The following ARHGAP8 variants were observed in gnomAD, a reference collection of about 807,000 sequenced individuals.
The protein encoded by ARHGAP8 is Rho GTPase activating protein 8.
ARHGAP8 carries 62 observed loss-of-function variants against 46.1 expected under a neutral mutation model. That is an observed-to-expected ratio of 1.34 (90% CI 1.10 to 1.66). The LOEUF (loss-of-function observed/expected upper bound fraction) is 1.66. Among genes scored for constraint, ARHGAP8 ranks in the 40% most tolerant of loss-of-function variants. ARHGAP8 has a pLI of 0.00. For synonymous variants in ARHGAP8, 375 were observed against 243.1 expected (o/e 1.54, Z -5.05); for missense variants, 923 against 568.4 (o/e 1.62, Z -6.34).
rs1555917130 is a variant in ARHGAP8, at chr22:44,833,100, T to TCTTTTC, written c.596+7507_596+7508insCTTTTC. 5.3e-3 allele frequency among the ~76,000 whole-genome samples: 669 copies of TCTTTTC among 126,988 alleles called. 3 individuals are homozygous for TCTTTTC. The highest frequency in any genetic ancestry group is 0.019 in the African/African-American group (629 of 33,552). 83.3% of individuals were successfully genotyped at this position (126,988 alleles called of 152,430 possible). Reference sequence around the variant, plus strand: ...TTTTTTCTTTTCTTTTCTTTTCTTTTTTTTTTTTTTTTTTGAGATAGAGTC... The same window carrying TCTTTTC: ...TTTTTTCTTTTCTTTTCTTTTCTTTTCTTTTCTTTTTTTTTTTTTTGAGATAGAGTC... On this transcript the variant is annotated intron_variant, in intron 7 of 11. Transcript: ENST00000356099.
Position 44,848,987 on chromosome 22 carries a change from G to A in ARHGAP8, c.804G>A (p.Leu268=), listed in dbSNP as rs1243536310. The change falls in exon 10 of 12, where the codon CTG becomes CTA. Residue 268 remains leucine, a synonymous_variant. Coordinates refer to ENST00000356099, the MANE Select transcript of ARHGAP8 (RefSeq NM_181335.3). ...YGDIHIPAVI[L]KTFLRELPQP... is the part of the protein sequence containing the mutation. ...ACATTCACATCCCTGCCGTGATCCT[G>A]AAGACCTTCCTGCGAGAGCTGCCCC... is the stretch of plus-strand genomic sequence containing the variant. The A allele has an allele frequency of 6.2e-7, 1 of 1,614,124 alleles. No individual in the cohort carries two copies. The highest frequency in any genetic ancestry group is 2.2e-5 in the East Asian group (1 of 44,882).
intron 7 of ARHGAP8, among the ~76,000 whole-genome samples, chr22:44,837,557 C>G (rs192994426): frequency 6.6e-6 from 1 of 152,154 alleles, no homozygotes; most frequent in Admixed American, 6.5e-5. Flanking sequence ...TGGTGTGATA[C>G]GATTCACCGG....
chr22:44,841,941 C>G (rs573797100), intron 7 of ARHGAP8, among the ~76,000 whole-genome samples: 103 of 152,312 alleles, frequency 6.8e-4, no homozygotes, highest in Non-Finnish European at 1.0e-3. Flanking sequence ...AGTCTACTCC[C>G]GTGTGGCTCC....
intron 3 of ARHGAP8, among the ~76,000 whole-genome samples, chr22:44,804,471 T>C (rs1928796249): frequency 6.6e-6 from 1 of 152,252 alleles, no homozygotes. Context: ...TCCCCGACAA[T>C]GAACTGATTG....
intron 1 of ARHGAP8, chr22:44,765,460 G>A: frequency 6.6e-6 from 1 of 152,368 alleles, no homozygotes; most frequent in Admixed American, 6.5e-5. Flanking sequence ...CCACAAGGGG[G>A]GTGTAATCGG....
At position 44,859,816 on chromosome 22, in the gene ARHGAP8, C is replaced by T. The variant is rs755556958; in HGVS notation, c.963C>T (p.Leu321=). The change falls in exon 11 of 12, where the codon CTC becomes CTT. Residue 321 remains leucine (L), a synonymous_variant. Coordinates refer to ENST00000356099, the MANE Select transcript of ARHGAP8 (RefSeq NM_181335.3). ...ACAACTACGTCGTCCTCCGCTACCT[C>T]ATGGGCTTCCTGCATGCGGTGAGTG... ...PEHNYVVLRY[L]MGFLHAVSRE... 6.2e-6 allele frequency: 10 copies of T among 1,613,948 alleles called. No homozygotes were observed. Among genetic ancestry groups the T allele is most frequent in the Non-Finnish European group, 2.5e-6 (3 of 1,179,970 alleles).
intron 1 of ARHGAP8, among the ~76,000 whole-genome samples, chr22:44,771,679 C>T (rs762385033): frequency 1.2e-4 from 18 of 151,914 alleles, no homozygotes; most frequent in African/African-American, 3.4e-4. Context: ...CTCAGACTCC[C>T]GAGTAGCTGG....
chr22:44,844,677 A>G (rs2069910869), intron 7 of ARHGAP8, among the ~76,000 whole-genome samples: 1 of 151,778 alleles, frequency 6.6e-6, no homozygotes, highest in Non-Finnish European at 1.5e-5. Flanking sequence ...TGGCAAGGCT[A>G]CTCTTGAACT....
intron 2 of ARHGAP8, among the ~76,000 whole-genome samples, chr22:44,796,913 C>G (rs1001727): frequency 0.095 from 14,517 of 152,236 alleles, 882 homozygotes; most frequent in African/African-American, 0.16. Context: ...TGGGGGTGCC[C>G]TCAACCTGTG....
intron 7 of ARHGAP8, among the ~76,000 whole-genome samples, chr22:44,829,277 C>T (rs1930767596): frequency 1.3e-5 from 2 of 149,358 alleles, no homozygotes; most frequent in Admixed American, 6.7e-5. Context: ...GGAGACAGAG[C>T]GAGACTCCCT....
chr22:44,846,043 T>G (rs1401723614), intron 8 of ARHGAP8, among the ~76,000 whole-genome samples: 1 of 151,986 alleles, frequency 6.6e-6, no homozygotes, highest in Non-Finnish European at 1.5e-5. Flanking sequence ...AAGGCAGGGC[T>G]GGCTCCTCTC....
chr22:44,760,154 C>G (rs918402049), intron 1 of ARHGAP8, among the ~76,000 whole-genome samples: 1 of 152,202 alleles, frequency 6.6e-6, no homozygotes, highest in Non-Finnish European at 1.5e-5. Flanking sequence ...GCTACCTGGA[C>G]AAATGGCCTT....
At chr22:44,823,650 G>A (rs1359757785) in intron 6 of ARHGAP8, among the ~76,000 whole-genome samples, 2 of 152,180 alleles carry the variant, frequency 1.3e-5, no homozygotes, top group Non-Finnish European at 2.9e-5. Context: ...GTGATCCGGG[G>A]GAGTCCATGG....
chr22:44,785,516 C>G (rs920808662), intron 1 of ARHGAP8, among the ~76,000 whole-genome samples: 11 of 152,128 alleles, frequency 7.2e-5, no homozygotes, highest in African/African-American at 2.7e-4. Flanking sequence ...TCTCCTGAGT[C>G]ATTGGATTCA....
chr22:44,770,262 A>G (rs1925900147), intron 1 of ARHGAP8, among the ~76,000 whole-genome samples: 1 of 151,988 alleles, frequency 6.6e-6, no homozygotes, highest in Admixed American at 6.6e-5. Flanking sequence ...AACAAAAACA[A>G]ACAAAAAAAA....
At chr22:44,834,132 C>A (rs73892308) in intron 7 of ARHGAP8, among the ~76,000 whole-genome samples, 1 of 151,864 alleles carries the variant, frequency 6.6e-6, no homozygotes, top group African/African-American at 2.4e-5. Flanking sequence ...TGTTATTTTC[C>A]TATTTTCTAT....
intron 1 of ARHGAP8, among the ~76,000 whole-genome samples, chr22:44,759,513 C>G (rs1569130742): frequency 6.6e-6 from 1 of 152,198 alleles, no homozygotes; most frequent in East Asian, 1.9e-4. Flanking sequence ...GTATGGAGAT[C>G]AGGTGTGGCT....
At position 44,862,400 on chromosome 22, in the gene ARHGAP8, C is replaced by T. The variant is rs1446331281; in HGVS notation, c.1107C>T (p.Phe369=). Residue 369 remains phenylalanine (F), a synonymous_variant, in exon 12 of 12, where the codon TTC becomes TTT. Transcript: ENST00000356099. ...GTGCCCTTGTGCCCCTGAACATGTTCACTGAACTGCTGATCGAGTACTATG... is the reference window on the plus strand; with the variant it reads ...GTGCCCTTGTGCCCCTGAACATGTTTACTGAACTGCTGATCGAGTACTATG... The part of the protein sequence containing the change: ...SLSALVPLNM[F]TELLIEYYEK... 10 of 1,614,010 alleles carry T rather than the reference C, an allele frequency of 6.2e-6. No homozygotes were observed. The highest frequency in any genetic ancestry group is 2.2e-5 in the East Asian group (1 of 44,888).
chr22:44,857,713 G>A (rs553562106), intron 10 of ARHGAP8, among the ~76,000 whole-genome samples: 1 of 152,284 alleles, frequency 6.6e-6, no homozygotes, highest in African/African-American at 2.4e-5. Flanking sequence ...TGCTCCAGAG[G>A]AGAAAGGGGA....
Sources: gnomAD v4.1 joint callset for allele counts (sites outside exome capture counted in the v4.1 genomes callset) on GRCh38, gnomAD v4.1.1 for gene constraint, MANE v1.5 for transcripts, NCBI Gene and HGNC (gene_info 2026-07-23, HGNC 2026-07-21) for gene names.